Variants in PTPN23 observed in about 807,000 individuals in gnomAD.
PTPN23 encodes tyrosine-protein phosphatase non-receptor type 23.
A neutral mutation model predicts 156.3 loss-of-function variants in PTPN23; 72 were observed. The observed-to-expected ratio is 0.46, with a 90% CI of 0.38 to 0.56. PTPN23 has a LOEUF of 0.56. Among genes scored for constraint, PTPN23 ranks in the 20% least tolerant of loss-of-function variants. The pLI is 0.00. For synonymous variants in PTPN23, 957 were observed against 899.6 expected (o/e 1.06, Z -1.14); for missense variants, 1,974 against 2,171.5 (o/e 0.91, Z 1.81).
chr3:47,396,067 T>G, intron 1 of PTPN23, 76 bp from the exon 2 acceptor site: 1 of 1,137,202 alleles, frequency 8.8e-7, no homozygotes, highest in Non-Finnish European at 1.3e-6. Context: ...TGAGTCCTGG[T>G]TGGTGCTTGC....
At chr3:47,395,066 T>C (rs1314362485) in intron 1 of PTPN23, among the ~76,000 whole-genome samples, 1 of 152,206 alleles carries the variant, frequency 6.6e-6, no homozygotes, top group Non-Finnish European at 1.5e-5. Flanking sequence ...CATCTGTTCC[T>C]CTTCTCCCTT....
intron 2 of PTPN23, among the ~76,000 whole-genome samples, chr3:47,401,679 C>T (rs1704997208): frequency 6.6e-6 from 1 of 152,034 alleles, no homozygotes; most frequent in African/African-American, 2.4e-5. Context: ...TTGGATATGG[C>T]AGAGGTCATG....
At position 47,410,349 on chromosome 3, in the gene PTPN23, GTAGGGC is replaced by G. The variant is rs1234546178; in HGVS notation, c.2552_2557del (p.Val851_Pro853delinsAla). The G allele has an allele frequency of 8.1e-6, 13 of 1,608,064 alleles. No homozygotes were observed. The highest frequency in any genetic ancestry group is 1.0e-5 in the Non-Finnish European group (12 of 1,177,454). Reference sequence around the variant, plus strand: ...CGTGGTGAGCAGTCCCTATGTGGGGGTAGGGCCGGCCCCACCAGTTGCAGGTCTCCC... The same window carrying G: ...CGTGGTGAGCAGTCCCTATGTGGGGGCGGCCCCACCAGTTGCAGGTCTCCC... On this transcript the variant is annotated inframe_deletion, in exon 20 of 25. Coordinates refer to ENST00000265562, the MANE Select transcript of PTPN23 (RefSeq NM_015466.4).
intron 1 of PTPN23, among the ~76,000 whole-genome samples, chr3:47,381,480 C>T (rs1002526225): frequency 3.5e-4 from 53 of 152,198 alleles, no homozygotes; most frequent in African/African-American, 1.2e-3. Flanking sequence ...TTCTGACGCT[C>T]GGACCCAGTT....
rs1705345661 is a variant in PTPN23, at chr3:47,412,613, A to G, written c.4417A>G (p.Ser1473Gly). The change falls in exon 24 of 25, where the codon AGC becomes GGC. Residue 1473 changes from serine to glycine, a missense_variant. Transcript: ENST00000265562. Reference protein sequence around the residue: ...PPPCKPLASASISQKNHLPQD... With the variant: ...PPPCKPLASAGISQKNHLPQD... Reference sequence around the variant, plus strand: ...TCCATGCAAACCCTTGGCCAGTGCAAGCATCAGCCAGAAGGTGAGGAAGGT... The same window carrying G: ...TCCATGCAAACCCTTGGCCAGTGCAGGCATCAGCCAGAAGGTGAGGAAGGT... The G allele has an allele frequency of 2.5e-6, 4 of 1,613,346 alleles. No homozygotes were observed. The South Asian group carries it at 4.4e-5, about 18-fold the overall frequency.
In PTPN23 at chr3:47,409,850, G is replaced by T. The variant is rs1411189669; in HGVS notation, c.2129+16G>T. On this transcript the variant is annotated intron_variant, in intron 19 of 24. Coordinates refer to ENST00000265562, the MANE Select transcript of PTPN23 (RefSeq NM_015466.4). Reference sequence around the variant, plus strand: ...TCCTGGACAGGTTTGTGTGGCCCTGGGGCTGTGGTGCGGCTCGGGTCCAGA... The same window carrying T: ...TCCTGGACAGGTTTGTGTGGCCCTGTGGCTGTGGTGCGGCTCGGGTCCAGA... 21 of 1,606,538 alleles carry T rather than the reference G, an allele frequency of 1.3e-5. No homozygotes were observed. The highest frequency in any genetic ancestry group is 1.8e-5 in the Non-Finnish European group (21 of 1,176,364).
Position 47,408,805 on chromosome 3 carries a change from G to C in PTPN23, c.1360G>C (p.Ala454Pro). 6.2e-7 allele frequency: 1 copy of C among 1,607,350 alleles called. No homozygotes were observed. Among genetic ancestry groups the C allele is most frequent in the Non-Finnish European group, 8.5e-7 (1 of 1,176,138 alleles). Residue 454 changes from alanine (A) to proline (P), a missense_variant, in exon 16 of 25, where the codon GCT becomes CCT. Transcript: ENST00000265562. ...GTCAGGTGTGTTCACGGATGTGGAGGCTTCCCTGAAGGACATCAGAGATCT... is the reference window on the plus strand; with the variant it reads ...GTCAGGTGTGTTCACGGATGTGGAGCCTTCCCTGAAGGACATCAGAGATCT... ...VLSGVFTDVE[A>P]SLKDIRDLLE... is the part of the protein sequence containing the mutation.
In PTPN23 at chr3:47,408,393, T is replaced by C. The variant is rs555300171; in HGVS notation, c.1233T>C (p.Leu411=). Reference sequence around the variant, plus strand: ...TGGATCCCGAGACGGTGGACAACCTTGATGCCTACAGCCACATCCCACCCC... The same window carrying C: ...TGGATCCCGAGACGGTGGACAACCTCGATGCCTACAGCCACATCCCACCCC... The part of the protein sequence containing the change: ...MQLDPETVDN[L]DAYSHIPPQL... Residue 411 remains leucine (L), a synonymous_variant, in exon 15 of 25, where the codon CTT becomes CTC. Transcript: ENST00000265562. 1 of 1,614,086 alleles carries C rather than the reference T, an allele frequency of 6.2e-7. No homozygotes were observed. The highest frequency in any genetic ancestry group is 1.3e-5 in the African/African-American group (1 of 75,012).
rs369159668 is a variant in PTPN23, at chr3:47,407,440, G to A, written c.924-65G>A. The A allele has an allele frequency of 4.4e-4, 706 of 1,608,788 alleles. 3 individuals carry two copies. The Middle Eastern group carries it at 0.016, about 36-fold the overall frequency. ...TGTCCCTCTGCTGGCATCTACATGG[G>A]AAGTAGGTTCTGGATCCCCACTGAC... On this transcript the variant is annotated intron_variant, in intron 11 of 24. Coordinates refer to ENST00000265562, the MANE Select transcript of PTPN23 (RefSeq NM_015466.4). The surrounding 1 kb of genome is among the most constrained non-coding windows in gnomAD (Gnocchi z 4.0).
In PTPN23 at chr3:47,410,280, A is replaced by C. The variant is rs760722157; in HGVS notation, c.2482A>C (p.Thr828Pro). 3 of 1,607,012 alleles carry C rather than the reference A, an allele frequency of 1.9e-6. No individual in the cohort carries two copies. Among genetic ancestry groups the C allele is most frequent in the Non-Finnish European group, 2.5e-6 (3 of 1,176,614 alleles). ...TGCCCTCTACCCAGCCCCTGCCTAC[A>C]CACCGGAGCTGGGCCTTGTGCCCCG... ...GPALYPAPAY[T>P]PELGLVPRSS... The change falls in exon 20 of 25, where the codon ACA becomes CCA. Residue 828 changes from threonine (T) to proline (P), a missense_variant. By Grantham distance (38) the Thr-to-Pro change is conservative (BLOSUM62 -1). Transcript: ENST00000265562.
At chr3:47,391,280 T>A (rs1310242269) in intron 1 of PTPN23, among the ~76,000 whole-genome samples, 1 of 152,064 alleles carries the variant, frequency 6.6e-6, no homozygotes, top group African/African-American at 2.4e-5. Context: ...CTAAAAACAA[T>A]TTAAATAGAA....
In PTPN23 at chr3:47,411,861, G is replaced by T; in HGVS notation, c.3967G>T (p.Val1323Phe). ...TGCCCTGAGCCTGGCATTGAGCAGC[G>T]TCCGCAGCACCGAAACCCATGTGGA... ...HGALSLALSS[V>F]RSTETHVERV... is the part of the protein sequence containing the mutation. Residue 1323 changes from valine to phenylalanine, a missense_variant, in exon 21 of 25, where the codon GTC becomes TTC. Coordinates refer to ENST00000265562, the MANE Select transcript of PTPN23 (RefSeq NM_015466.4). The surrounding 1 kb of genome is among the most constrained non-coding windows in gnomAD (Gnocchi z 6.3). The T allele has an allele frequency of 6.2e-7, 1 of 1,613,092 alleles. No individual in the cohort carries two copies. Among genetic ancestry groups the T allele is most frequent in the Non-Finnish European group, 8.5e-7 (1 of 1,179,968 alleles).
chr3:47,406,980 G>A lies in PTPN23; in HGVS notation c.808-150G>A. On this transcript the variant is annotated intron_variant, in intron 9 of 24. Coordinates refer to ENST00000265562, the MANE Select transcript of PTPN23 (RefSeq NM_015466.4). This position sits in a 1 kb window ranked among gnomAD's most constrained non-coding sequence, Gnocchi z 5.8. ...GAGCAGGTGGCTGGGGCAGGGTGTGGCGCCACCTTGCTGCTGTTGGCTGGG... is the reference window on the plus strand; with the variant it reads ...GAGCAGGTGGCTGGGGCAGGGTGTGACGCCACCTTGCTGCTGTTGGCTGGG... The A allele has an allele frequency of 8.7e-7, 1 of 1,149,508 alleles. No homozygotes were observed. The highest frequency in any genetic ancestry group is 1.2e-6 in the Non-Finnish European group (1 of 802,500). 71.2% of individuals were successfully genotyped at this position (1,149,508 alleles called of 1,614,324 possible).
intron 1 of PTPN23, among the ~76,000 whole-genome samples, chr3:47,381,809 T>C (rs1704546526): frequency 6.6e-6 from 1 of 152,230 alleles, no homozygotes; most frequent in Non-Finnish European, 1.5e-5. Flanking sequence ...CGTAACCGAC[T>C]GGAGGGCATA....
In PTPN23 at chr3:47,410,672, T is replaced by G. The variant is rs1435539456; in HGVS notation, c.2874T>G (p.His958Gln). 3 of 1,591,822 alleles carry G rather than the reference T, an allele frequency of 1.9e-6. No homozygotes were observed. The highest frequency in any genetic ancestry group is 1.4e-5 in the African/African-American group (1 of 70,606). Residue 958 changes from histidine (H) to glutamine (Q), a missense_variant, in exon 20 of 25, where the codon CAT becomes CAG. Around this residue, in one of 4 missense-constraint regions of PTPN23, gnomAD observed 731 missense variants for 669.1 expected, o/e 1.09. Coordinates refer to ENST00000265562, the MANE Select transcript of PTPN23 (RefSeq NM_015466.4). ...APRIGPQPQP[H>Q]PQPHPSQAFG... is the part of the protein sequence containing the mutation. ...GGATTGGGCCCCAGCCCCAGCCCCA[T>G]CCTCAGCCCCATCCTTCACAAGCGT... is the stretch of plus-strand genomic sequence containing the variant.
intron 2 of PTPN23, among the ~76,000 whole-genome samples, chr3:47,397,999 T>G (rs1025854849): frequency 6.6e-6 from 1 of 151,910 alleles, no homozygotes; most frequent in Non-Finnish European, 1.5e-5. Flanking sequence ...TGTCAGTTAT[T>G]CAAAATTAGT....
rs766381318 is a variant in PTPN23, at chr3:47,413,108, C to T, written c.4834C>T (p.Gln1612Ter). Residue 1612 changes from glutamine to a stop codon, truncating the protein, a stop_gained, in exon 25 of 25, where the codon CAA becomes TAA. Coordinates refer to ENST00000265562, the MANE Select transcript of PTPN23 (RefSeq NM_015466.4). LOFTEE classifies it high-confidence loss of function. Reference protein sequence around the residue: ...KHNFLQAHNGQGLRATRPSDD... With the variant: ...KHNFLQAHNG The stretch of plus-strand genomic sequence containing the variant: ...TAACTTTCTGCAGGCCCATAACGGG[C>T]AAGGGCTGCGGGCCACCCGGCCCTC... The T allele has an allele frequency of 1.2e-6, 2 of 1,612,910 alleles. No homozygotes were observed. Among genetic ancestry groups the T allele is most frequent in the Non-Finnish European group, 1.7e-6 (2 of 1,180,032 alleles).
chr3:47,410,024 T>C lies in PTPN23; in HGVS notation c.2226T>C (p.Pro742=), dbSNP rs1320551852. ...ESEAVEAGDP[P]EELRSLPPDM... The stretch of plus-strand genomic sequence containing the variant: ...AGGCAGTGGAAGCAGGAGACCCCCC[T>C]GAGGAGCTGCGCAGCCTCCCCCCTG... Residue 742 remains proline (P), a synonymous_variant, in exon 20 of 25, where the codon CCT becomes CCC. Coordinates refer to ENST00000265562, the MANE Select transcript of PTPN23 (RefSeq NM_015466.4). The C allele has an allele frequency of 2.5e-6, 4 of 1,610,304 alleles. No homozygotes were observed. The Middle Eastern group carries it at 4.9e-4, about 199-fold the overall frequency.
In PTPN23 at chr3:47,405,693, C is replaced by A. The variant is rs1705104424; in HGVS notation, c.365-56C>A. The A allele has an allele frequency of 3.2e-6, 5 of 1,551,982 alleles. No individual in the cohort carries two copies. Among genetic ancestry groups the A allele is most frequent in the Admixed American group, 3.7e-5 (2 of 53,766 alleles). Reference sequence around the variant, plus strand: ...TAACAGCAGTGCCCCCTCTGTCTCACCTTCACATGGGTGTGAGCAGCCCCA... The same window carrying A: ...TAACAGCAGTGCCCCCTCTGTCTCAACTTCACATGGGTGTGAGCAGCCCCA... On this transcript the variant is annotated intron_variant, in intron 4 of 24. Transcript: ENST00000265562. This position sits in a 1 kb window ranked among gnomAD's most constrained non-coding sequence, Gnocchi z 4.7.
Sources: gnomAD v4.1 joint callset for allele counts (sites outside exome capture counted in the v4.1 genomes callset) on GRCh38, gnomAD v4.1.1 for gene constraint, gnomAD v4.1.1 regional missense constraint, Gnocchi (gnomAD v3.1) non-coding constraint, MANE v1.5 for transcripts, NCBI Gene and HGNC (gene_info 2026-07-23, HGNC 2026-07-21) for gene names.